CAMTA1: variants seen among roughly 807,000 people sequenced by gnomAD.
CAMTA1 encodes the protein calmodulin-binding transcription activator 1.
CAMTA1 carries 27 observed loss-of-function variants against 170.9 expected under a neutral mutation model. The observed-to-expected ratio is 0.16, with a 90% CI of 0.12 to 0.22. The LOEUF is 0.22. CAMTA1 is among the 10% of genes least tolerant of loss of function. The pLI is 1.00. For missense variants in CAMTA1, 1,619 were observed against 2,217.2 expected (o/e 0.73, Z 5.42); for synonymous variants, 833 against 891.5 (o/e 0.93, Z 1.17).
intron 6 of CAMTA1, among the ~76,000 whole-genome samples, chr1:7,531,688 A>G (rs1320855634): frequency 1.3e-5 from 2 of 152,046 alleles, no homozygotes; most frequent in Non-Finnish European, 2.9e-5. Context: ...CCCTCCCTCT[A>G]CCTCTTTGTT....
chr1:6,811,369 G>A (rs1359622656), intron 1 of CAMTA1, among the ~76,000 whole-genome samples: 1 of 152,094 alleles, frequency 6.6e-6, no homozygotes, highest in African/African-American at 2.4e-5. Flanking sequence ...GTTGTATGTA[G>A]CTTATTAAAC....
chr1:7,129,840 A>G (rs1220885716), intron 4 of CAMTA1, among the ~76,000 whole-genome samples: 1 of 151,896 alleles, frequency 6.6e-6, no homozygotes, highest in Admixed American at 6.6e-5. Flanking sequence ...GTTTTCTGTC[A>G]CTATGGATTA....
At chr1:7,001,645 T>C (rs1698217738) in intron 3 of CAMTA1, among the ~76,000 whole-genome samples, 1 of 152,216 alleles carries the variant, frequency 6.6e-6, no homozygotes, top group South Asian at 2.1e-4. Flanking sequence ...TCACGTCTTC[T>C]TCAAAGGATG....
intron 4 of CAMTA1, among the ~76,000 whole-genome samples, chr1:7,154,825 A>G (rs1646771398): frequency 6.6e-6 from 1 of 152,044 alleles, no homozygotes; most frequent in African/African-American, 2.4e-5. Context: ...TTAAAAGGTG[A>G]TATTCTTCCT....
rs1362275977 is a variant in CAMTA1 at position 7,767,465 on chromosome 1, T to C, written c.*974T>C. 2 of 152,802 alleles carry C rather than the reference T, an allele frequency of 1.3e-5. No homozygotes were observed. Among genetic ancestry groups the C allele is most frequent in the Non-Finnish European group, 2.9e-5 (2 of 68,042 alleles). 9.5% of individuals were successfully genotyped at this position (152,802 alleles called of 1,614,324 possible). On this transcript the variant is annotated 3_prime_UTR_variant, in exon 23 of 23. Transcript: ENST00000303635. Reference sequence around the variant, plus strand: ...GCTGCGTTCTGGCCAGTAAATTCCATGTTTTTGGCTATATCTCATCCAAAC... The same window carrying C: ...GCTGCGTTCTGGCCAGTAAATTCCACGTTTTTGGCTATATCTCATCCAAAC...
At chr1:7,276,305 T>A (rs56658800) in intron 5 of CAMTA1, among the ~76,000 whole-genome samples, 240 of 20,058 alleles carry the variant, frequency 0.012, no homozygotes, top group East Asian at 0.081. Flanking sequence ...ATATATATAT[T>A]TTTTTTTTTT....
chr1:7,506,066 G>A (rs1015490681), intron 6 of CAMTA1, among the ~76,000 whole-genome samples: 3 of 152,170 alleles, frequency 2.0e-5, no homozygotes, highest in African/African-American at 4.8e-5. Context: ...AGAGGGAAGC[G>A]GAGGGTGGAG....
At chr1:7,752,318 A>T in intron 20 of CAMTA1, 141 bp from the exon 21 acceptor site, 1 of 715,990 alleles carries the variant, frequency 1.4e-6, no homozygotes, top group Non-Finnish European at 2.5e-6. Context: ...ATCCCCCTTC[A>T]GATTGTATAC....
In CAMTA1 at chr1:7,135,504, A is replaced by C. The variant is rs549331034; in HGVS notation, c.302+44133A>C. Reference sequence around the variant, plus strand: ...TGCAAATTAGTTCAGCCCCTGTGGAAAGCAGTTTGGAGACCTCTTACACTC... The same window carrying C: ...TGCAAATTAGTTCAGCCCCTGTGGACAGCAGTTTGGAGACCTCTTACACTC... On this transcript the variant is annotated intron_variant, in intron 4 of 22. Transcript: ENST00000303635. 8.5e-4 allele frequency among the ~76,000 whole-genome samples: 130 copies of C among 152,328 alleles called. 1 individual carries two copies. Among genetic ancestry groups the C allele is most frequent in the Middle Eastern group, 6.8e-3 (2 of 294 alleles).
intron 6 of CAMTA1, among the ~76,000 whole-genome samples, chr1:7,473,395 C>T (rs1345345602): frequency 6.6e-6 from 1 of 152,180 alleles, no homozygotes; most frequent in Non-Finnish European, 1.5e-5. Flanking sequence ...AGTCCTAGAG[C>T]CCAGGCTCGG....
At chr1:7,717,740 A>T (rs775491174) in intron 11 of CAMTA1, among the ~76,000 whole-genome samples, 3 of 152,186 alleles carry the variant, frequency 2.0e-5, no homozygotes, top group Admixed American at 6.5e-5. Flanking sequence ...AAAAAATAAA[A>T]AAATAAAAAC....
intron 5 of CAMTA1, among the ~76,000 whole-genome samples, chr1:7,414,716 GATTC>G (rs2091037427): frequency 6.6e-6 from 1 of 151,976 alleles, no homozygotes; most frequent in Non-Finnish European, 1.5e-5. Flanking sequence ...CCAGCTCCTG[GATTC>G]ATTAATTTTT....
intron 3 of CAMTA1, among the ~76,000 whole-genome samples, chr1:6,978,748 G>T (rs959388528): frequency 3.3e-5 from 5 of 151,778 alleles, no homozygotes; most frequent in African/African-American, 1.2e-4. Context: ...AATAATGACC[G>T]CATGTTTTAG....
At chr1:7,465,661 G>A (rs746137517) in intron 5 of CAMTA1, among the ~76,000 whole-genome samples, 1 of 152,202 alleles carries the variant, frequency 6.6e-6, no homozygotes, top group Non-Finnish European at 1.5e-5. Flanking sequence ...TGGTTCTGGG[G>A]CAGTTGTGGG....
chr1:7,256,305 A>T (rs1667353919), intron 5 of CAMTA1, among the ~76,000 whole-genome samples: 2 of 152,052 alleles, frequency 1.3e-5, no homozygotes, highest in South Asian at 4.2e-4. Flanking sequence ...CATGCCTGTA[A>T]TCCCAGCACT....
intron 3 of CAMTA1, among the ~76,000 whole-genome samples, chr1:6,966,872 A>C (rs1272738681): frequency 6.6e-6 from 1 of 151,566 alleles, no homozygotes; most frequent in Non-Finnish European, 1.5e-5. Flanking sequence ...TCAGCCTCCC[A>C]AAGTGTTGGG....
intron 6 of CAMTA1, among the ~76,000 whole-genome samples, chr1:7,478,159 C>T (rs944930242): frequency 5.9e-5 from 9 of 152,130 alleles, no homozygotes; most frequent in Admixed American, 2.0e-4. Flanking sequence ...TTTCCAGCAG[C>T]TTTTACTCTA....
chr1:7,530,286 A>G (rs1418134360), intron 6 of CAMTA1, among the ~76,000 whole-genome samples: 4 of 152,232 alleles, frequency 2.6e-5, no homozygotes, highest in Admixed American at 2.0e-4. Context: ...CATGAAAGGA[A>G]CCGAGGCTAA....
At chr1:7,302,619 C>T (rs1310761205) in intron 5 of CAMTA1, among the ~76,000 whole-genome samples, 1 of 152,218 alleles carries the variant, frequency 6.6e-6, no homozygotes, top group African/African-American at 2.4e-5. Context: ...ATTCTGCCTG[C>T]ATGTGCCATA....
Sources: gnomAD v4.1 joint callset for allele counts (sites outside exome capture counted in the v4.1 genomes callset) on GRCh38, gnomAD v4.1.1 for gene constraint, MANE v1.5 for transcripts, NCBI Gene and HGNC (gene_info 2026-07-23, HGNC 2026-07-21) for gene names.